The following AGTPBP1 variants were observed in gnomAD, a reference collection of about 807,000 sequenced individuals.
AGTPBP1 encodes the protein cytosolic carboxypeptidase 1.
In AGTPBP1, 70 loss-of-function variants were observed where a neutral mutation model predicts 143.9. That is an observed-to-expected ratio of 0.49 (90% CI 0.40 to 0.59). The LOEUF (loss-of-function observed/expected upper bound fraction) is 0.59. Ranked by LOEUF, AGTPBP1 falls within the 20% of genes least tolerant of loss-of-function variation. The pLI, the probability that AGTPBP1 is intolerant of heterozygous loss-of-function variation, is 0.00. For synonymous variants in AGTPBP1, 463 were observed against 500.2 expected (o/e 0.93, Z 0.99); for missense variants, 1,229 against 1,464.5 (o/e 0.84, Z 2.62).
intron 25 of AGTPBP1, among the ~76,000 whole-genome samples, chr9:85,559,518 G>T (rs1826564913): frequency 6.6e-6 from 1 of 151,586 alleles, no homozygotes; most frequent in Non-Finnish European, 1.5e-5. Context: ...GATGAGACAG[G>T]AATAACACAG....
intron 17 of AGTPBP1, among the ~76,000 whole-genome samples, chr9:85,614,883 A>AT (rs1367659552): frequency 6.6e-6 from 1 of 152,124 alleles, no homozygotes; most frequent in Non-Finnish European, 1.5e-5. Flanking sequence ...TTATGGTGGC[A>AT]TTTTATCAAT....
intron 2 of AGTPBP1, among the ~76,000 whole-genome samples, chr9:85,702,022 C>CTTT (rs1836699719): frequency 6.6e-6 from 1 of 152,206 alleles, no homozygotes; most frequent in Non-Finnish European, 1.5e-5. Flanking sequence ...TTTTACCTAG[C>CTTT]TACCCAAAAG....
At chr9:85,581,482 C>G (rs1828257070) in intron 23 of AGTPBP1, among the ~76,000 whole-genome samples, 1 of 152,156 alleles carries the variant, frequency 6.6e-6, no homozygotes, top group Admixed American at 6.5e-5. Context: ...AAGCACAATA[C>G]AAATACGGTA....
At position 85,692,774 on chromosome 9, in the gene AGTPBP1, T is replaced by C. The variant is rs372727872; in HGVS notation, c.72A>G (p.Gln24=). The part of the protein sequence containing the change: ...NNSRIVGLLA[Q]LEKINAEPSE... ...AAGGCTCAGCATTGATCTTCTCCAG[T>C]TGAGCCAGGAGTCCTACGATCCTAG... is the stretch of plus-strand genomic sequence containing the variant. Residue 24 remains glutamine (Q), a synonymous_variant, in exon 3 of 26, where the codon CAA becomes CAG. Coordinates refer to ENST00000357081, the MANE Select transcript of AGTPBP1 (RefSeq NM_001330701.2). The C allele has an allele frequency of 6.2e-7, 1 of 1,613,950 alleles. No homozygotes were observed. Among genetic ancestry groups the C allele is most frequent in the Non-Finnish European group, 8.5e-7 (1 of 1,179,910 alleles).
At chr9:85,793,386 C>A in the AGTPBP1 span, 1 of 152,100 alleles carries the variant, frequency 6.6e-6, no homozygotes, top group Admixed American at 6.6e-5. Flanking sequence ...ACTTTTAGCT[C>A]CTAAATACAA....
At chr9:85,662,188 C>G (rs1346117682) in intron 8 of AGTPBP1, among the ~76,000 whole-genome samples, 2 of 152,122 alleles carry the variant, frequency 1.3e-5, no homozygotes, top group Non-Finnish European at 2.9e-5. Context: ...ACAGCAAAAT[C>G]TGAAACAATA....
rs564363907 is a variant in AGTPBP1 at position 85,556,364 on chromosome 9, T to C, written c.3504-9078A>G. Among the ~76,000 whole-genome samples the C allele has an allele frequency of 7.2e-5, 11 of 152,068 alleles. 1 individual carries two copies. In the South Asian group the frequency reaches 1.9e-3, roughly 26 times the overall value. On this transcript the variant is annotated intron_variant, in intron 25 of 25. Coordinates refer to ENST00000357081, the MANE Select transcript of AGTPBP1 (RefSeq NM_001330701.2). ...AGCAAAAGAGAATGGAACAAGCTTA[T>C]AGAGAGACAAAATTGGAATAACAAT...
chr9:85,691,452 C>T (rs1380423028), intron 3 of AGTPBP1, among the ~76,000 whole-genome samples: 1 of 151,554 alleles, frequency 6.6e-6, no homozygotes, highest in African/African-American at 2.4e-5. Context: ...AATTATTAGA[C>T]CTTAATTCTA....
Position 85,741,809 on chromosome 9 carries a change from G to A in AGTPBP1, c.-68C>T, listed in dbSNP as rs771493804. The A allele has an allele frequency of 2.2e-5, 31 of 1,378,022 alleles. No homozygotes were observed. In the Middle Eastern group the frequency reaches 8.1e-4, roughly 36 times the overall value. The allele number at this position is 1,378,022 out of a possible 1,614,324, so 85.4% of individuals were successfully genotyped here. ...ATGGGGCGCTGGCGGGGACCGCGCA[G>A]AGCCGCAGCACCCGGCTCAGCACCT... On this transcript the variant is annotated 5_prime_UTR_variant, in exon 1 of 26. Coordinates refer to ENST00000357081, the MANE Select transcript of AGTPBP1 (RefSeq NM_001330701.2).
At chr9:85,714,981 T>C (rs1415267319) in intron 1 of AGTPBP1, among the ~76,000 whole-genome samples, 1 of 152,080 alleles carries the variant, frequency 6.6e-6, no homozygotes, top group Non-Finnish European at 1.5e-5. Flanking sequence ...GCACAGTAGC[T>C]CACACCTGTA....
Position 85,646,329 on chromosome 9 carries a change from T to G in AGTPBP1, c.1177A>C (p.Asn393His). 1 of 1,612,022 alleles carries G rather than the reference T, an allele frequency of 6.2e-7. No homozygotes were observed. The highest frequency in any genetic ancestry group is 1.7e-5 in the Admixed American group (1 of 59,992). The change falls in exon 12 of 26, where the codon AAT becomes CAT. Residue 393 changes from asparagine (N) to histidine (H), a missense_variant. By Grantham distance (68) the Asn-to-His change is moderately conservative. This residue lies in a region of AGTPBP1 where 743 missense variants were observed against 812.2 expected (regional missense o/e 0.91). Coordinates refer to ENST00000357081, the MANE Select transcript of AGTPBP1 (RefSeq NM_001330701.2). ...CAGAAATTTATACTAACCTTAAAAT[T>G]TTGATCTAGGTCATCTTCATTCTCA... is the stretch of plus-strand genomic sequence containing the variant. ...ETENEDDLDQNFKNDDIETDI... is the reference protein window; with the variant it reads ...ETENEDDLDQHFKNDDIETDI...
At chr9:85,622,251 T>A (rs1040133819) in intron 14 of AGTPBP1, among the ~76,000 whole-genome samples, 1 of 152,228 alleles carries the variant, frequency 6.6e-6, no homozygotes, top group Non-Finnish European at 1.5e-5. Flanking sequence ...GAGAGCAGGG[T>A]GAGAAAGTGT....
At chr9:85,695,612 A>T (rs1369419765) in intron 2 of AGTPBP1, among the ~76,000 whole-genome samples, 1 of 152,186 alleles carries the variant, frequency 6.6e-6, no homozygotes, top group African/African-American at 2.4e-5. Flanking sequence ...AGAGAATGCC[A>T]GTTTTACCCA....
At chr9:85,663,650 T>G (rs2133999417) in intron 8 of AGTPBP1, among the ~76,000 whole-genome samples, 1 of 150,812 alleles carries the variant, frequency 6.6e-6, no homozygotes, top group Non-Finnish European at 1.5e-5. Context: ...CAGACCTAGA[T>G]CTGACATAAA....
At chr9:85,755,518 CT>C in the AGTPBP1 span, among the ~76,000 whole-genome samples, 1 of 152,176 alleles carries the variant, frequency 6.6e-6, no homozygotes, top group African/African-American at 2.4e-5. Context: ...CCTCCATCAT[CT>C]GTGTCTTCCA....
intron 17 of AGTPBP1, among the ~76,000 whole-genome samples, chr9:85,599,017 C>T (rs947478362): frequency 3.3e-5 from 5 of 152,128 alleles, no homozygotes; most frequent in Admixed American, 6.5e-5. Flanking sequence ...CCACCGTACC[C>T]GGCCGACTGA....
At chr9:85,801,965 A>G in the AGTPBP1 span, among the ~76,000 whole-genome samples, 1 of 152,012 alleles carries the variant, frequency 6.6e-6, no homozygotes, top group Non-Finnish European at 1.5e-5. Context: ...TGTATAATAG[A>G]TATATATAAC....
chr9:85,625,914 T>G (rs1243125699), intron 14 of AGTPBP1, among the ~76,000 whole-genome samples: 4 of 148,914 alleles, frequency 2.7e-5, no homozygotes, highest in African/African-American at 7.3e-5. Context: ...GTTTTTTTTT[T>G]TTTTTTTTTT....
chr9:85,750,644 C>A, the AGTPBP1 span, among the ~76,000 whole-genome samples: 1 of 152,184 alleles, frequency 6.6e-6, no homozygotes, highest in Admixed American at 6.5e-5. Context: ...GGGTGTATAG[C>A]CTTCTTTTAT....
Sources: allele counts gnomAD v4.1 joint callset (sites outside exome capture counted in the v4.1 genomes callset), GRCh38; gene constraint gnomAD v4.1.1; regional missense constraint gnomAD v4.1.1; transcripts MANE v1.5; gene names NCBI Gene and HGNC (gene_info 2026-07-23, HGNC 2026-07-21).